Variants in RTTN observed in about 807,000 individuals in gnomAD.
The protein encoded by RTTN is rotatin.
A neutral mutation model predicts 269.2 loss-of-function variants in RTTN; 182 were observed. That is an observed-to-expected ratio of 0.68 (90% CI 0.60 to 0.76). The LOEUF (loss-of-function observed/expected upper bound fraction) is 0.76. RTTN is among the 30% of genes least tolerant of loss of function. The pLI is 0.00. For missense variants in RTTN, 2,545 were observed against 2,608.6 expected, an observed-to-expected ratio of 0.98 and a Z score of 0.53; for synonymous variants, 1,006 against 963.5, an observed-to-expected ratio of 1.04 and a Z score of -0.82.
At chr18:70,098,226 G>A (rs191997898) in intron 28 of RTTN, among the ~76,000 whole-genome samples, 16 of 152,212 alleles carry the variant, frequency 1.1e-4, no homozygotes, top group African/African-American at 3.1e-4. Flanking sequence ...AGGGAAATTC[G>A]TAGCACTAAA....
chr18:70,019,517 G>T (rs1457670785), intron 45 of RTTN: 1 of 152,128 alleles, frequency 6.6e-6, no homozygotes, highest in East Asian at 1.9e-4. Context: ...TGACATACAT[G>T]AACATATACA....
intron 47 of RTTN, 111 bp from the exon 48 acceptor site, chr18:70,005,378 A>ATTTC: frequency 1.6e-6 from 1 of 633,922 alleles, no homozygotes; most frequent in Non-Finnish European, 2.6e-6. Flanking sequence ...TATGAAATAT[A>ATTTC]ATAATATAAC....
chr18:70,026,833 C>T (rs1423578748), intron 43 of RTTN, among the ~76,000 whole-genome samples: 1 of 152,124 alleles, frequency 6.6e-6, no homozygotes, highest in African/African-American at 2.4e-5. Context: ...CCTAATATCC[C>T]CAGCTTGTAT....
intron 27 of RTTN, among the ~76,000 whole-genome samples, chr18:70,112,046 A>T (rs573818278): frequency 1.3e-4 from 20 of 152,352 alleles, no homozygotes; most frequent in African/African-American, 4.8e-4. Flanking sequence ...TTTCATATCC[A>T]GCCAAACTAA....
chr18:70,197,294 G>C lies in RTTN; in HGVS notation c.693+330C>G, dbSNP rs79226724. ...ATGTAGCACTGTGCGTTAAATAAAC[G>C]AGATACTCAAGAAGCAATGCTATTC... On this transcript the variant is annotated intron_variant, in intron 6 of 48. Transcript: ENST00000640769. Among the ~76,000 whole-genome samples, 765 of 152,256 alleles carry C rather than the reference G, an allele frequency of 5.0e-3. 5 individuals carry two copies. The highest frequency in any genetic ancestry group is 0.017 in the African/African-American group (725 of 41,552).
intron 10 of RTTN, among the ~76,000 whole-genome samples, chr18:70,185,870 T>G (rs2061532516): frequency 6.6e-6 from 1 of 152,034 alleles, no homozygotes; most frequent in South Asian, 2.1e-4. Flanking sequence ...TATTTCTATA[T>G]ACTAACAATG....
At chr18:70,175,045 C>CA (rs5825998) in intron 11 of RTTN, among the ~76,000 whole-genome samples, 66,821 of 87,264 alleles carry the variant, frequency 0.77, 24,959 homozygotes, top group East Asian at 0.82. Flanking sequence ...AAACCAAAAC[C>CA]AAAAAAAAAA....
intron 28 of RTTN, among the ~76,000 whole-genome samples, chr18:70,101,114 T>C (rs2059152619): frequency 2.0e-5 from 3 of 152,232 alleles, no homozygotes. Context: ...GAGGATTCCC[T>C]CTTTTTCTAT....
intron 11 of RTTN, among the ~76,000 whole-genome samples, chr18:70,171,704 A>G (rs1403770988): frequency 6.6e-6 from 1 of 152,220 alleles, no homozygotes; most frequent in Non-Finnish European, 1.5e-5. Flanking sequence ...AATAATCAGC[A>G]ACATCACCTC....
At chr18:70,081,524 C>T (rs539424064) in intron 32 of RTTN, among the ~76,000 whole-genome samples, 75 of 152,212 alleles carry the variant, frequency 4.9e-4, no homozygotes, top group African/African-American at 1.7e-3. Flanking sequence ...TATCTCTTGA[C>T]ATGTTGCACT....
Position 70,030,880 on chromosome 18 carries a change from C to G in RTTN, c.5643G>C (p.Leu1881Phe), listed in dbSNP as rs2145592855. ...CTGATGTGTCATGTGGCTCACCTTT[C>G]AAAGCATGTTTCTGTGCTCTTCTAC... is the stretch of plus-strand genomic sequence containing the variant. ...AVSRRAQKHA[L>F]KANLIDNCME... Residue 1881 changes from leucine to phenylalanine, a missense_variant, in exon 41 of 49, where the codon TTG (leucine) becomes TTC (phenylalanine). Coordinates refer to ENST00000640769, the MANE Select transcript of RTTN (RefSeq NM_173630.4). 2 of 1,610,674 alleles carry G rather than the reference C, an allele frequency of 1.2e-6. No individual in the cohort carries two copies. The highest frequency in any genetic ancestry group is 1.7e-6 in the Non-Finnish European group (2 of 1,178,270).
rs587780444 is a variant in RTTN at position 70,005,258 on chromosome 18, C to G, written c.6535G>C (p.Ala2179Pro). Reference protein sequence around the residue: ...LIYNYQKAKTALKSPSVKRRV... With the variant: ...LIYNYQKAKTPLKSPSVKRRV... ...CTTTTTACTGATGGGCTTTTCAAAG[C>G]TGTTTTTGCCTAGAACAATCCATTA... Residue 2179 changes from alanine (A) to proline (P), a missense_variant, in exon 48 of 49, where the codon GCT becomes CCT. Ala to Pro is a conservative substitution (Grantham distance 27). Transcript: ENST00000640769. 2.5e-5 allele frequency: 40 copies of G among 1,612,210 alleles called. 1 individual carries two copies. In the South Asian group the frequency reaches 3.9e-4, roughly 16 times the overall value.
At position 70,196,243 on chromosome 18, in the gene RTTN, C is replaced by T. The variant is rs558093682; in HGVS notation, c.841+258G>A. 4.0e-5 allele frequency among the ~76,000 whole-genome samples: 6 copies of T among 151,678 alleles called. No individual in the cohort carries two copies. The East Asian group carries it at 9.7e-4, about 25-fold the overall frequency. On this transcript the variant is annotated intron_variant, in intron 7 of 48. Coordinates refer to ENST00000640769, the MANE Select transcript of RTTN (RefSeq NM_173630.4). The stretch of plus-strand genomic sequence containing the variant: ...ACATCCCAACAACACTATATAGAAT[C>T]TCTGCAAGTTTGGGAGAAAAAAGAA...
At chr18:70,188,374 A>C (rs2061595165) in intron 9 of RTTN, 151 bp from the exon 10 acceptor site, 2 of 579,824 alleles carry the variant, frequency 3.4e-6, no homozygotes, top group South Asian at 4.7e-5. Flanking sequence ...AGAAATCACA[A>C]TTTACAATCA....
At chr18:70,173,165 C>A (rs116483813) in intron 11 of RTTN, among the ~76,000 whole-genome samples, 2,949 of 152,196 alleles carry the variant, frequency 0.019, 95 homozygotes, top group African/African-American at 0.066. Context: ...TCCTGGATCA[C>A]CTGATAATAC....
rs1313748100 is a variant in RTTN at position 70,086,643 on chromosome 18, A to G, written c.4344T>C (p.Pro1448=). The stretch of plus-strand genomic sequence containing the variant: ...AAGTATAATCCTTTATAATTTCTGT[A>G]GGCATTGGAATTACAAGGAGATTCT... The part of the protein sequence containing the change: ...ILQNLLVIPM[P]TEIIKDYTWQ... The change falls in exon 32 of 49, where the codon CCT becomes CCC. Residue 1448 remains proline, a synonymous_variant. Transcript: ENST00000640769. 6.7e-7 allele frequency: 1 copy of G among 1,492,058 alleles called. No homozygotes were observed. Among genetic ancestry groups the G allele is most frequent in the Non-Finnish European group, 9.0e-7 (1 of 1,110,272 alleles). 92.4% of individuals were successfully genotyped at this position (1,492,058 alleles called of 1,614,324 possible). A position where few individuals can be genotyped will look rare whatever the true frequency, so the allele number is the denominator to read the frequency against.
At chr18:70,024,601 T>C (rs2056800254) in intron 44 of RTTN, 121 bp downstream of exon 44, 5 of 906,128 alleles carry the variant, frequency 5.5e-6, no homozygotes, top group Non-Finnish European at 8.4e-6. Flanking sequence ...TTGCCCATCA[T>C]ATCCTCAATA....
At chr18:70,153,582 A>C (rs1310303013) in intron 14 of RTTN, among the ~76,000 whole-genome samples, 1 of 152,188 alleles carries the variant, frequency 6.6e-6, no homozygotes, top group African/African-American at 2.4e-5. Flanking sequence ...CTTACAATAA[A>C]AAGCTAACTT....
Position 70,051,541 on chromosome 18 carries a change from C to G in RTTN, c.5193G>C (p.Glu1731Asp). Residue 1731 changes from glutamate (E) to aspartate (D), a missense_variant, in exon 39 of 49, where the codon GAG (glutamate) becomes GAC (aspartate). Glu to Asp is a conservative substitution (Grantham distance 45, BLOSUM62 2). Coordinates refer to ENST00000640769, the MANE Select transcript of RTTN (RefSeq NM_173630.4). ...TICTKDVLDK[E>D]LISAFYHTWT... Reference sequence around the variant, plus strand: ...ATGTGTGATAAAAAGCTGATATTAACTCTTTATCTATAAAATTAATCAAAA... The same window carrying G: ...ATGTGTGATAAAAAGCTGATATTAAGTCTTTATCTATAAAATTAATCAAAA... 1 of 1,595,556 alleles carries G rather than the reference C, an allele frequency of 6.3e-7. No individual in the cohort carries two copies. Among genetic ancestry groups the G allele is most frequent in the Non-Finnish European group, 8.6e-7 (1 of 1,168,280 alleles).
Sources: gnomAD v4.1 joint callset for allele counts (sites outside exome capture counted in the v4.1 genomes callset) on GRCh38, gnomAD v4.1.1 for gene constraint, MANE v1.5 for transcripts, NCBI Gene and HGNC (gene_info 2026-07-23, HGNC 2026-07-21) for gene names.